The following TRIM33 variants were observed in gnomAD, a reference collection of about 807,000 sequenced individuals.
TRIM33 encodes tripartite motif containing 33.
Under a neutral mutation model 125.4 loss-of-function variants are expected in TRIM33, and 20 were observed. The observed-to-expected ratio is 0.16, with a 90% CI of 0.11 to 0.23. The LOEUF (loss-of-function observed/expected upper bound fraction) is 0.23, where lower values mean the gene tolerates loss of function less well. Among genes scored for constraint, TRIM33 ranks in the 10% least tolerant of loss-of-function variants. The pLI, the probability that TRIM33 is intolerant of heterozygous loss-of-function variation, is 1.00. For missense variants in TRIM33, 920 were observed against 1,411.4 expected (o/e 0.65, Z 5.58); for synonymous variants, 564 against 513.9 (o/e 1.10, Z -1.32).
intron 4 of TRIM33, among the ~76,000 whole-genome samples, chr1:114,442,419 G>A (rs1411734935): frequency 1.1e-4 from 17 of 152,198 alleles, no homozygotes; most frequent in Admixed American, 1.1e-3. Context: ...GTCGGGCATG[G>A]TGGCTCACTC....
At chr1:114,400,918 G>C (rs1267951705) in intron 17 of TRIM33, among the ~76,000 whole-genome samples, 2 of 151,844 alleles carry the variant, frequency 1.3e-5, no homozygotes, top group Non-Finnish European at 2.9e-5. Context: ...ATAATCCTCA[G>C]AACAACCCAA....
chr1:114,463,584 A>G lies in TRIM33; in HGVS notation c.646-28T>C, dbSNP rs775159686. On this transcript the variant is annotated intron_variant, in intron 2 of 19. Coordinates refer to ENST00000358465, the MANE Select transcript of TRIM33 (RefSeq NM_015906.4). ...AAAAGAAGAAATAAGCACTAATCTA[A>G]ATTAAATACATAAAATCTAGATCTA... 3.5e-6 allele frequency: 5 copies of G among 1,412,454 alleles called. No individual in the cohort carries two copies. The East Asian group carries it at 6.9e-5, about 20-fold the overall frequency. 87.5% of individuals were successfully genotyped at this position (1,412,454 alleles called of 1,614,324 possible).
chr1:114,436,103 T>C (rs1322329823), intron 4 of TRIM33, among the ~76,000 whole-genome samples: 2 of 151,510 alleles, frequency 1.3e-5, no homozygotes, highest in African/African-American at 2.4e-5. Context: ...ATAACTTGTA[T>C]AAGATATTAA....
At chr1:114,509,478 G>T (rs1274357086) in intron 1 of TRIM33, among the ~76,000 whole-genome samples, 1 of 152,090 alleles carries the variant, frequency 6.6e-6, no homozygotes, top group African/African-American at 2.4e-5. Context: ...CCAGAAAAAA[G>T]AAAAATCCCA....
Position 114,401,508 on chromosome 1 carries a change from T to C in TRIM33, c.2893-45A>G, listed in dbSNP as rs770218983. 4 of 1,511,998 alleles carry C rather than the reference T, an allele frequency of 2.6e-6. No individual in the cohort carries two copies. The South Asian group carries it at 4.6e-5, about 17-fold the overall frequency. 93.7% of individuals were successfully genotyped at this position (1,511,998 alleles called of 1,614,324 possible). A position where few individuals can be genotyped will look rare whatever the true frequency, so the allele number is the denominator to read the frequency against. ...GAAAGCACATGAAATATTTTTCTCC[T>C]AATAAAACATTCTCGAGAATGAGAA... is the stretch of plus-strand genomic sequence containing the variant. On this transcript the variant is annotated intron_variant, in intron 16 of 19. Transcript: ENST00000358465.
At chr1:114,460,768 T>G (rs1470894417) in intron 4 of TRIM33, among the ~76,000 whole-genome samples, 2 of 152,094 alleles carry the variant, frequency 1.3e-5, no homozygotes, top group Non-Finnish European at 2.9e-5. Context: ...TTGTTTTTGC[T>G]TTCCTCAGTC....
At chr1:114,442,071 C>T (rs1401651356) in intron 4 of TRIM33, among the ~76,000 whole-genome samples, 2 of 152,196 alleles carry the variant, frequency 1.3e-5, no homozygotes, top group African/African-American at 4.8e-5. Flanking sequence ...GACTACACAA[C>T]TCCAAGATAG....
intron 4 of TRIM33, among the ~76,000 whole-genome samples, chr1:114,457,379 C>A (rs1649687582): frequency 6.6e-6 from 1 of 152,030 alleles, no homozygotes; most frequent in African/African-American, 2.4e-5. Context: ...GTCCAGATGC[C>A]ATAGTACAAT....
intron 5 of TRIM33, among the ~76,000 whole-genome samples, chr1:114,431,277 A>G (rs1647934781): frequency 6.6e-6 from 1 of 152,232 alleles, no homozygotes; most frequent in Non-Finnish European, 1.5e-5. Flanking sequence ...TCCAAGAACA[A>G]TGTGCAAAAG....
intron 1 of TRIM33, among the ~76,000 whole-genome samples, chr1:114,480,962 C>T (rs1246309108): frequency 2.0e-5 from 3 of 151,948 alleles, no homozygotes; most frequent in Non-Finnish European, 4.4e-5. Context: ...TCTTGGAGTC[C>T]GGAGTTTGAG....
At chr1:114,493,372 C>T (rs1476411870) in intron 1 of TRIM33, among the ~76,000 whole-genome samples, 3 of 152,132 alleles carry the variant, frequency 2.0e-5, no homozygotes, top group Admixed American at 6.6e-5. Context: ...CTTCAATGTA[C>T]AAAAGTTTTA....
chr1:114,443,526 T>A (rs886429637), intron 4 of TRIM33, among the ~76,000 whole-genome samples: 1 of 152,178 alleles, frequency 6.6e-6, no homozygotes, highest in Non-Finnish European at 1.5e-5. Context: ...CGTGGGCCAC[T>A]GCACCCTGAT....
At chr1:114,411,262 C>T (rs1387772759) in intron 11 of TRIM33, among the ~76,000 whole-genome samples, 1 of 152,048 alleles carries the variant, frequency 6.6e-6, no homozygotes, top group East Asian at 1.9e-4. Context: ...CCAGATTGGT[C>T]TCCAACTCCT....
intron 4 of TRIM33, among the ~76,000 whole-genome samples, chr1:114,448,077 G>GC (rs1649095792): frequency 6.6e-6 from 1 of 152,182 alleles, no homozygotes; most frequent in Non-Finnish European, 1.5e-5. Context: ...AAGAAAAACA[G>GC]CAGCATACTG....
intron 4 of TRIM33, among the ~76,000 whole-genome samples, chr1:114,455,080 G>A (rs1649543887): frequency 6.6e-6 from 1 of 152,170 alleles, no homozygotes; most frequent in Admixed American, 6.5e-5. Context: ...ATGGAAGAGT[G>A]TGTCTAGGTT....
chr1:114,423,203 A>C (rs1238204286), intron 10 of TRIM33, among the ~76,000 whole-genome samples: 1 of 152,156 alleles, frequency 6.6e-6, no homozygotes, highest in Non-Finnish European at 1.5e-5. Flanking sequence ...TCCACAGAAA[A>C]AGTTTCAAAT....
intron 4 of TRIM33, among the ~76,000 whole-genome samples, chr1:114,437,518 T>C (rs1436194950): frequency 6.6e-6 from 1 of 152,128 alleles, no homozygotes; most frequent in African/African-American, 2.4e-5. Flanking sequence ...TTTGTATTTT[T>C]AGTAGAGATG....
chr1:114,448,807 A>G (rs73005390), intron 4 of TRIM33, among the ~76,000 whole-genome samples: 9,602 of 152,238 alleles, frequency 0.063, 322 homozygotes, highest in African/African-American at 0.085. Context: ...AGCTGGAGTA[A>G]CAGATGTGGC....
At chr1:114,470,397 T>G (rs1650566695) in intron 1 of TRIM33, among the ~76,000 whole-genome samples, 2 of 152,170 alleles carry the variant, frequency 1.3e-5, no homozygotes, top group Admixed American at 6.5e-5. Flanking sequence ...GTTCTGATCT[T>G]TCATGTTACT....
Sources: gnomAD v4.1 joint callset for allele counts (sites outside exome capture counted in the v4.1 genomes callset) on GRCh38, gnomAD v4.1.1 for gene constraint, MANE v1.5 for transcripts, NCBI Gene and HGNC (gene_info 2026-07-23, HGNC 2026-07-21) for gene names.